The following ATXN1 variants were observed in gnomAD, a reference collection of about 807,000 sequenced individuals.
ATXN1 encodes the protein ataxin-1.
A neutral mutation model predicts 56.4 loss-of-function variants in ATXN1; 8 were observed. The ratio of observed to expected loss-of-function variants is 0.14; its 90% CI spans 0.08 to 0.26. The LOEUF is 0.26. Ranked by LOEUF, ATXN1 falls within the 10% of genes least tolerant of loss-of-function variation. The pLI, the probability that ATXN1 is intolerant of heterozygous loss-of-function variation, is 1.00. For synonymous variants in ATXN1, 514 were observed against 494.6 expected (o/e 1.04, Z -0.52); for missense variants, 987 against 1,106.5 (o/e 0.89, Z 1.53).
At chr6:16,370,576 C>G (rs1018852817) in intron 6 of ATXN1, among the ~76,000 whole-genome samples, 2 of 152,170 alleles carry the variant, frequency 1.3e-5, no homozygotes, top group Non-Finnish European at 2.9e-5. Flanking sequence ...ACACAGAAAA[C>G]TTAAAAAATA....
At chr6:16,617,733 C>A (rs1763240825) in intron 3 of ATXN1, among the ~76,000 whole-genome samples, 1 of 140,504 alleles carries the variant, frequency 7.1e-6, no homozygotes, top group South Asian at 2.2e-4. Flanking sequence ...CGCCGCTGCA[C>A]TCCTGCCTGG....
chr6:16,435,553 T>C (rs1319218422), intron 6 of ATXN1, among the ~76,000 whole-genome samples: 1 of 151,926 alleles, frequency 6.6e-6, no homozygotes, highest in African/African-American at 2.4e-5. Context: ...GAGAGCAGAA[T>C]TGGCAAAGCT....
At chr6:16,525,649 A>G (rs1329808212) in intron 4 of ATXN1, among the ~76,000 whole-genome samples, 1 of 152,164 alleles carries the variant, frequency 6.6e-6, no homozygotes, top group Non-Finnish European at 1.5e-5. Flanking sequence ...ATAACTGTAC[A>G]TTTTAAAATA....
chr6:16,736,948 C>T (rs911207554), intron 2 of ATXN1: 2 of 152,196 alleles, frequency 1.3e-5, no homozygotes, highest in African/African-American at 4.8e-5. Flanking sequence ...ATCATTGCTC[C>T]TTCACAGAGA....
chr6:16,342,178 C>T (rs954307964), intron 6 of ATXN1, among the ~76,000 whole-genome samples: 4 of 152,158 alleles, frequency 2.6e-5, no homozygotes, highest in South Asian at 4.2e-4. Flanking sequence ...CCACTGAGCC[C>T]GGCCTGTCTC....
At chr6:16,636,205 A>G (rs1291068992) in intron 3 of ATXN1, among the ~76,000 whole-genome samples, 4 of 152,170 alleles carry the variant, frequency 2.6e-5, no homozygotes, top group Non-Finnish European at 4.4e-5. Flanking sequence ...TCCAAGGATG[A>G]TCTGGGCTAC....
chr6:16,339,807 G>A (rs114264388), intron 6 of ATXN1, among the ~76,000 whole-genome samples: 4,080 of 152,142 alleles, frequency 0.027, 161 homozygotes, highest in African/African-American at 0.092. Context: ...TTTTTGAGAC[G>A]GAGTCTCACT....
At chr6:16,584,253 C>T (rs1180444792) in intron 4 of ATXN1, among the ~76,000 whole-genome samples, 62 of 81,796 alleles carry the variant, frequency 7.6e-4, no homozygotes, top group Non-Finnish European at 1.5e-3. Context: ...TACACACACA[C>T]ACACACACAC....
Position 16,442,006 on chromosome 6 carries a change from A to G in ATXN1, c.-161+43966T>C, listed in dbSNP as rs16878179. Reference sequence around the variant, plus strand: ...TAGAAGTAGAAAAAGATTTGAAACTATATATTGACAGAATACTCCATGCAC... The same window carrying G: ...TAGAAGTAGAAAAAGATTTGAAACTGTATATTGACAGAATACTCCATGCAC... On this transcript the variant is annotated intron_variant, in intron 6 of 7. Coordinates refer to ENST00000436367, the MANE Select transcript of ATXN1 (RefSeq NM_001128164.2). Among the ~76,000 whole-genome samples, 1,070 of 152,310 alleles carry G rather than the reference A, an allele frequency of 7.0e-3. 41 individuals are homozygous for G. The highest frequency in any genetic ancestry group is 0.06 in the Admixed American group (916 of 15,294).
rs1758770636 is a variant in ATXN1 at position 16,410,298 on chromosome 6, G to GTAA, written c.-161+75671_-161+75673dup. Reference sequence around the variant, plus strand: ...AGGAATTTACAATCCAGTTGATGATGTAAGACCCACTATCATAAGCCAATT... The same window carrying GTAA: ...AGGAATTTACAATCCAGTTGATGATGTAATAAGACCCACTATCATAAGCCAATT... On this transcript the variant is annotated intron_variant, in intron 6 of 7. Transcript: ENST00000436367. The surrounding 1 kb of genome is among the most constrained non-coding windows in gnomAD (Gnocchi z 4.6). Among the ~76,000 whole-genome samples, 1 of 152,192 alleles carries GTAA rather than the reference G, an allele frequency of 6.6e-6. No individual in the cohort carries two copies. The highest frequency in any genetic ancestry group is 1.5e-5 in the Non-Finnish European group (1 of 68,046).
intron 2 of ATXN1, among the ~76,000 whole-genome samples, chr6:16,741,478 CT>C (rs1029262541): frequency 4.6e-5 from 7 of 152,128 alleles, no homozygotes; most frequent in Non-Finnish European, 8.8e-5. Context: ...TTTAAGAACA[CT>C]TTTTTTAAAG....
At chr6:16,313,063 G>C (rs138379754) in intron 7 of ATXN1, among the ~76,000 whole-genome samples, 83 of 152,170 alleles carry the variant, frequency 5.5e-4, no homozygotes, top group African/African-American at 1.9e-3. Context: ...TTTTTTAGTA[G>C]AGATGGTGTT....
intron 6 of ATXN1, among the ~76,000 whole-genome samples, chr6:16,460,904 A>C (rs1241160827): frequency 2.0e-5 from 3 of 152,276 alleles, no homozygotes; most frequent in African/African-American, 7.2e-5. Flanking sequence ...ATGTGTATAC[A>C]GATAGCAAGT....
At chr6:16,408,861 C>A (rs1359577708) in intron 6 of ATXN1, among the ~76,000 whole-genome samples, 1 of 152,220 alleles carries the variant, frequency 6.6e-6, no homozygotes, top group Non-Finnish European at 1.5e-5. Context: ...CTGTCTCAGT[C>A]TGCTGAGTAG....
chr6:16,325,289 T>C (rs1032495873), intron 7 of ATXN1, among the ~76,000 whole-genome samples: 2 of 151,960 alleles, frequency 1.3e-5, no homozygotes, highest in African/African-American at 4.8e-5. Context: ...GGCTAATTTT[T>C]GTATTTTTAG....
At chr6:16,474,864 A>ACACTCT (rs1554108897) in intron 6 of ATXN1, among the ~76,000 whole-genome samples, 4 of 148,936 alleles carry the variant, frequency 2.7e-5, no homozygotes, top group Non-Finnish European at 5.9e-5. Flanking sequence ...ACACACACAC[A>ACACTCT]CTCTCTCTCT....
At chr6:16,593,366 G>A (rs995459448) in intron 3 of ATXN1, among the ~76,000 whole-genome samples, 2 of 152,112 alleles carry the variant, frequency 1.3e-5, no homozygotes, top group African/African-American at 4.8e-5. Context: ...AAATAGAGAT[G>A]GAAAAAACAA....
rs745503316 is a variant in ATXN1 at position 16,327,741 on chromosome 6, C to T, written c.570G>A (p.Thr190=). Reference sequence around the variant, plus strand: ...GCTGCTGCTCAGCCTTGTGTCCCGGCGTCTGGCTCAGACTGCCCATGTTGG... The same window carrying T: ...GCTGCTGCTCAGCCTTGTGTCCCGGTGTCTGGCTCAGACTGCCCATGTTGG... ...LLANMGSLSQ[T]PGHKAEQQQQ... Residue 190 remains threonine, a synonymous_variant, in exon 7 of 8, where the codon ACG becomes ACA. Transcript: ENST00000436367. 2.4e-5 allele frequency: 38 copies of T among 1,607,504 alleles called. No homozygotes were observed. The highest frequency in any genetic ancestry group is 1.9e-4 in the South Asian group (17 of 91,048).
At chr6:16,694,239 C>CTTTTTTTTTTTTCTTTT (rs1759109545) in intron 2 of ATXN1, among the ~76,000 whole-genome samples, 11 of 132,220 alleles carry the variant, frequency 8.3e-5, no homozygotes, top group African/African-American at 3.0e-4. Context: ...TTTGTCACTT[C>CTTTTTTTTTTTTCTTTT]TTTTTTTTTT....
Sources: gnomAD v4.1 joint callset for allele counts (sites outside exome capture counted in the v4.1 genomes callset) on GRCh38, gnomAD v4.1.1 for gene constraint, Gnocchi (gnomAD v3.1) non-coding constraint, MANE v1.5 for transcripts, NCBI Gene and HGNC (gene_info 2026-07-23, HGNC 2026-07-21) for gene names.